Variants in SIPA1L1 observed in about 807,000 individuals in gnomAD.
SIPA1L1 encodes signal induced proliferation associated 1 like 1, also known as signal-induced proliferation-associated 1-like protein 1.
In SIPA1L1, 26 loss-of-function variants were observed where a neutral mutation model predicts 162.7. That is an observed-to-expected ratio of 0.16 (90% CI 0.12 to 0.22). The LOEUF (loss-of-function observed/expected upper bound fraction) is 0.22, where lower values mean the gene tolerates loss of function less well. SIPA1L1 is among the 10% of genes least tolerant of loss of function. SIPA1L1 has a pLI of 1.00. For missense variants in SIPA1L1, 1,874 were observed against 2,241.0 expected (o/e 0.84, Z 3.31); for synonymous variants, 829 against 837.4 (o/e 0.99, Z 0.17).
At chr14:71,676,556 A>G (rs1596870240) in intron 12 of SIPA1L1, among the ~76,000 whole-genome samples, 1 of 148,966 alleles carries the variant, frequency 6.7e-6, no homozygotes, top group Admixed American at 6.7e-5. Flanking sequence ...TACATGTGCC[A>G]TGTTGGTGTG....
intron 7 of SIPA1L1, among the ~76,000 whole-genome samples, chr14:71,630,185 A>G (rs1361378408): frequency 6.6e-6 from 1 of 152,258 alleles, no homozygotes; most frequent in African/African-American, 2.4e-5. Flanking sequence ...AATTGATTCC[A>G]GACAACTGGT....
At chr14:71,575,717 T>G (rs978511188) in intron 4 of SIPA1L1, among the ~76,000 whole-genome samples, 1 of 152,224 alleles carries the variant, frequency 6.6e-6, no homozygotes, top group Non-Finnish European at 1.5e-5. Context: ...GTTACTTCAT[T>G]GTGACAGTGT....
At chr14:71,576,770 A>G (rs2147161874) in intron 4 of SIPA1L1, among the ~76,000 whole-genome samples, 1 of 152,290 alleles carries the variant, frequency 6.6e-6, no homozygotes, top group Non-Finnish European at 1.5e-5. Context: ...TTCCAGGCCT[A>G]AAATCCAGGC....
chr14:71,459,798 A>C (rs2046454625), intron 2 of SIPA1L1, among the ~76,000 whole-genome samples: 1 of 152,150 alleles, frequency 6.6e-6, no homozygotes, highest in African/African-American at 2.4e-5. Flanking sequence ...ACAGATATAC[A>C]CAGCATGACT....
intron 2 of SIPA1L1, among the ~76,000 whole-genome samples, chr14:71,324,954 C>G (rs1051594568): frequency 1.3e-5 from 2 of 152,050 alleles, no homozygotes; most frequent in African/African-American, 2.4e-5. Context: ...ATTTATGTTG[C>G]GCCACCCTAC....
At chr14:71,703,018 G>T (rs562535166) in intron 15 of SIPA1L1, among the ~76,000 whole-genome samples, 11 of 152,332 alleles carry the variant, frequency 7.2e-5, no homozygotes, top group African/African-American at 2.6e-4. Flanking sequence ...GTATGAAACA[G>T]CTGGGTGGAA....
intron 2 of SIPA1L1, among the ~76,000 whole-genome samples, chr14:71,427,897 G>C (rs1433662030): frequency 6.6e-6 from 1 of 151,616 alleles, no homozygotes; most frequent in South Asian, 2.1e-4. Flanking sequence ...ATTTTTCAGG[G>C]TCAGTTTTTA....
intron 4 of SIPA1L1, among the ~76,000 whole-genome samples, chr14:71,585,594 T>C (rs927912903): frequency 6.6e-6 from 1 of 152,212 alleles, no homozygotes; most frequent in Non-Finnish European, 1.5e-5. Flanking sequence ...AAGACAGCTG[T>C]GCAGTAAAGT....
At chr14:71,515,781 G>T (rs961134551) in intron 3 of SIPA1L1, among the ~76,000 whole-genome samples, 2 of 151,918 alleles carry the variant, frequency 1.3e-5, no homozygotes, top group Non-Finnish European at 1.5e-5. Flanking sequence ...GCTACTACAC[G>T]CACATGCCAC....
chr14:71,731,019 C>CA (rs1448103125), intron 20 of SIPA1L1, among the ~76,000 whole-genome samples: 1 of 152,174 alleles, frequency 6.6e-6, no homozygotes, highest in African/African-American at 2.4e-5. Context: ...AGATGCCTGT[C>CA]ACGGAACCAG....
chr14:71,612,375 G>A (rs749045623), intron 5 of SIPA1L1, among the ~76,000 whole-genome samples: 1 of 152,154 alleles, frequency 6.6e-6, no homozygotes, highest in Non-Finnish European at 1.5e-5. Flanking sequence ...ATTGGGTTAG[G>A]CATGAGATAG....
At chr14:71,737,186 T>G (rs2085377074) in intron 22 of SIPA1L1, among the ~76,000 whole-genome samples, 1 of 152,226 alleles carries the variant, frequency 6.6e-6, no homozygotes, top group Non-Finnish European at 1.5e-5. Flanking sequence ...GGGTTTTGCC[T>G]CCTGGGGCCT....
intron 5 of SIPA1L1, among the ~76,000 whole-genome samples, chr14:71,592,067 G>A (rs572692845): frequency 6.6e-6 from 1 of 152,328 alleles, no homozygotes; most frequent in Admixed American, 6.5e-5. Context: ...CAGAAAGTAT[G>A]TATGGCACCT....
chr14:71,584,575 G>A (rs1026730046), intron 4 of SIPA1L1, among the ~76,000 whole-genome samples: 2 of 148,590 alleles, frequency 1.3e-5, no homozygotes, highest in African/African-American at 2.4e-5. Flanking sequence ...CAGAAACACA[G>A]GGGGTGATTT....
At chr14:71,642,177 C>T (rs2041780106) in intron 7 of SIPA1L1, among the ~76,000 whole-genome samples, 1 of 152,180 alleles carries the variant, frequency 6.6e-6, no homozygotes, top group Admixed American at 6.5e-5. Flanking sequence ...CATTGAAGGA[C>T]ATTGATTGCT....
chr14:71,527,108 C>T (rs117751380), intron 3 of SIPA1L1, among the ~76,000 whole-genome samples: 1,668 of 152,028 alleles, frequency 0.011, 16 homozygotes, highest in East Asian at 0.021. Flanking sequence ...AGTTGAACAC[C>T]TTTTTATATG....
At chr14:71,373,179 CACGTGCCTG>C (rs982770055) in intron 2 of SIPA1L1, among the ~76,000 whole-genome samples, 35 of 151,828 alleles carry the variant, frequency 2.3e-4, no homozygotes, top group Non-Finnish European at 5.9e-5. Context: ...GGCATGGTGG[CACGTGCCTG>C]TAGTCCCGGC....
intron 17 of SIPA1L1, among the ~76,000 whole-genome samples, chr14:71,721,312 G>A (rs2083708252): frequency 6.6e-6 from 1 of 152,184 alleles, no homozygotes; most frequent in South Asian, 2.1e-4. Flanking sequence ...CTCTGTGCTG[G>A]GTTGCCTAGA....
chr14:71,555,237 T>C (rs977019131), intron 4 of SIPA1L1, among the ~76,000 whole-genome samples: 1 of 152,242 alleles, frequency 6.6e-6, no homozygotes, highest in Non-Finnish European at 1.5e-5. Flanking sequence ...ATCTGTTGTT[T>C]ATTGTAGTCA....
Sources: allele counts gnomAD v4.1 joint callset (sites outside exome capture counted in the v4.1 genomes callset), GRCh38; gene constraint gnomAD v4.1.1; transcripts MANE v1.5; gene names NCBI Gene and HGNC (gene_info 2026-07-23, HGNC 2026-07-21).